Variants in COL5A2 observed in about 807,000 individuals in gnomAD.
COL5A2 encodes collagen type V alpha 2 chain, also known as collagen alpha-2(V) chain.
Under a neutral mutation model 208.2 loss-of-function variants are expected in COL5A2, and 23 were observed. The ratio of observed to expected loss-of-function variants is 0.11; its 90% CI spans 0.08 to 0.16. The LOEUF is 0.16. Ranked by LOEUF, COL5A2 falls within the 10% of genes least tolerant of loss-of-function variation. The probability of loss-of-function intolerance (pLI) is 1.00; values close to 1 mark genes in which losing one functional copy is unlikely to be tolerated. For synonymous variants in COL5A2, 625 were observed against 628.5 expected (o/e 0.99, Z 0.08); for missense variants, 1,590 against 1,956.4 (o/e 0.81, Z 3.53).
chr2:189,074,123 T>A (rs913184493), intron 17 of COL5A2, among the ~76,000 whole-genome samples: 7 of 152,160 alleles, frequency 4.6e-5, no homozygotes, highest in Non-Finnish European at 4.4e-5. Flanking sequence ...TGTTTATAAT[T>A]TACAGATGAT....
chr2:189,251,474 T>C, the COL5A2 span, among the ~76,000 whole-genome samples: 1 of 152,180 alleles, frequency 6.6e-6, no homozygotes, highest in Non-Finnish European at 1.5e-5. Flanking sequence ...AGATTAACCC[T>C]TCTAAAGAAC....
intron 1 of COL5A2, among the ~76,000 whole-genome samples, chr2:189,205,359 G>A (rs921632787): frequency 1.3e-5 from 2 of 152,116 alleles, no homozygotes; most frequent in Admixed American, 6.5e-5. Context: ...ATGTGTTCAG[G>A]GACCCAGTGC....
chr2:189,139,351 C>T (rs1438061215), intron 1 of COL5A2, among the ~76,000 whole-genome samples: 1 of 152,124 alleles, frequency 6.6e-6, no homozygotes, highest in Non-Finnish European at 1.5e-5. Flanking sequence ...GAGAATGGCA[C>T]TTTACCTCCT....
the COL5A2 span, among the ~76,000 whole-genome samples, chr2:189,262,674 G>T: frequency 1.3e-5 from 2 of 151,688 alleles, no homozygotes; most frequent in Admixed American, 1.3e-4. Context: ...TCCCTATATT[G>T]TTCTAATTAC....
chr2:189,234,638 C>T, the COL5A2 span, among the ~76,000 whole-genome samples: 5 of 151,828 alleles, frequency 3.3e-5, no homozygotes, highest in Admixed American at 3.3e-4. Context: ...TCTGAGAGTA[C>T]AGCAGGAGGT....
the COL5A2 span, among the ~76,000 whole-genome samples, chr2:189,339,739 T>C: frequency 6.6e-6 from 1 of 152,192 alleles, no homozygotes; most frequent in Admixed American, 6.5e-5. Context: ...AAGCAGGTGG[T>C]CAGTTAGGCA....
At chr2:189,381,961 T>C in the COL5A2 span, among the ~76,000 whole-genome samples, 1 of 152,166 alleles carries the variant, frequency 6.6e-6, no homozygotes, top group East Asian at 1.9e-4. Flanking sequence ...ATATAAATTA[T>C]TTACTTTCAG....
the COL5A2 span, among the ~76,000 whole-genome samples, chr2:189,342,249 A>C: frequency 1.3e-5 from 2 of 150,338 alleles, no homozygotes; most frequent in Non-Finnish European, 3.0e-5. Context: ...TTTTAGATAA[A>C]TAGAACAAAT....
At chr2:189,239,561 T>C in the COL5A2 span, among the ~76,000 whole-genome samples, 5 of 137,294 alleles carry the variant, frequency 3.6e-5, no homozygotes, top group East Asian at 6.5e-4. Flanking sequence ...TAGTTGGGAA[T>C]TGAACAATGA....
chr2:189,336,728 C>T, the COL5A2 span, among the ~76,000 whole-genome samples: 1 of 152,126 alleles, frequency 6.6e-6, no homozygotes, highest in African/African-American at 2.4e-5. Context: ...GGAAGGAACA[C>T]AGGGAGCATT....
At chr2:189,419,880 G>GGAGGA in the COL5A2 span, among the ~76,000 whole-genome samples, 5 of 146,920 alleles carry the variant, frequency 3.4e-5, no homozygotes, top group Non-Finnish European at 7.5e-5. Flanking sequence ...AGGAGGAGGA[G>GGAGGA]GAGGAGAGGA....
At chr2:189,083,524 G>C (rs1179873163) in intron 12 of COL5A2, among the ~76,000 whole-genome samples, 1 of 151,986 alleles carries the variant, frequency 6.6e-6, no homozygotes, top group Non-Finnish European at 1.5e-5. Flanking sequence ...ACTGTCTCTA[G>C]TTGATAAAAA....
At chr2:189,321,987 A>T in the COL5A2 span, among the ~76,000 whole-genome samples, 1,494 of 152,366 alleles carry the variant, frequency 9.8e-3, 13 homozygotes, top group Middle Eastern at 0.031. Context: ...CTCTCAGACC[A>T]CAGTGCAATC....
At chr2:189,061,494 T>A (rs76628177) in intron 30 of COL5A2, 68 bp downstream of exon 30, 5 of 1,068,660 alleles carry the variant, frequency 4.7e-6, no homozygotes, top group Non-Finnish European at 4.2e-6. Flanking sequence ...TGACCATATC[T>A]TTTTTTTTAA....
upstream of COL5A2, among the ~76,000 whole-genome samples, chr2:189,225,587 C>T (rs1689404794): frequency 6.6e-6 from 1 of 151,816 alleles, no homozygotes; most frequent in Non-Finnish European, 1.5e-5. Flanking sequence ...TTCATTTTCC[C>T]ATTTATAACA....
chr2:189,374,640 T>A, the COL5A2 span, among the ~76,000 whole-genome samples: 2 of 152,192 alleles, frequency 1.3e-5, no homozygotes, highest in African/African-American at 4.8e-5. Context: ...CTACAAAGAA[T>A]TTTTTATGTC....
chr2:189,318,513 G>A, the COL5A2 span, among the ~76,000 whole-genome samples: 4 of 152,064 alleles, frequency 2.6e-5, no homozygotes, highest in South Asian at 2.1e-4. Context: ...TTATAAGATA[G>A]TAGTCCCCTC....
At chr2:189,218,581 A>C (rs1367043423) in intron 1 of COL5A2, among the ~76,000 whole-genome samples, 2 of 152,178 alleles carry the variant, frequency 1.3e-5, no homozygotes, top group Non-Finnish European at 2.9e-5. Context: ...AAAAAGGAAG[A>C]AACACCCAGC....
At chr2:189,417,637 C>T in the COL5A2 span, among the ~76,000 whole-genome samples, 126 of 151,830 alleles carry the variant, frequency 8.3e-4, no homozygotes, top group East Asian at 4.4e-3. Context: ...ATGTTCTATT[C>T]ACTATTTCTA....
Sources: gnomAD v4.1 joint callset for allele counts (sites outside exome capture counted in the v4.1 genomes callset) on GRCh38, gnomAD v4.1.1 for gene constraint, MANE v1.5 for transcripts, NCBI Gene and HGNC (gene_info 2026-07-23, HGNC 2026-07-21) for gene names.